DIO2: variants seen among roughly 807,000 people sequenced by gnomAD.
DIO2 encodes the protein iodothyronine deiodinase 2.
A neutral mutation model predicts 21.4 loss-of-function variants in DIO2; 19 were observed. That is an observed-to-expected ratio of 0.89 (90% CI 0.62 to 1.30). The LOEUF (loss-of-function observed/expected upper bound fraction) is 1.30, where lower values mean the gene tolerates loss of function less well. Among genes scored for constraint, DIO2 ranks in the 50% most tolerant of loss-of-function variants. The pLI, the probability that DIO2 is intolerant of heterozygous loss-of-function variation, is 0.00. For synonymous variants in DIO2, 122 were observed against 132.9 expected (o/e 0.92, Z 0.57); for missense variants, 302 against 338.1 (o/e 0.89, Z 0.84).
At chr14:80,221,151 A>G (rs774035994) in intron 2 of DIO2, among the ~76,000 whole-genome samples, 22 of 152,236 alleles carry the variant, frequency 1.4e-4, no homozygotes, top group Non-Finnish European at 2.4e-4. Flanking sequence ...CTTGCTTCCT[A>G]TGTAATTTGA....
At chr14:80,203,698 T>G (rs2139997781) in intron 1 of DIO2, among the ~76,000 whole-genome samples, 1 of 152,350 alleles carries the variant, frequency 6.6e-6, no homozygotes, top group African/African-American at 2.4e-5. Context: ...TAAGACAAAT[T>G]ATCAGGGTCT....
chr14:80,205,518 G>T, intron 1 of DIO2: 1 of 1,008,734 alleles, frequency 9.9e-7, no homozygotes, highest in Non-Finnish European at 1.3e-6. Flanking sequence ...CATCCGAGCA[G>T]ACCTGTTGAT....
chr14:80,226,721 T>A (rs1373265768), intron 2 of DIO2, among the ~76,000 whole-genome samples: 2 of 152,190 alleles, frequency 1.3e-5, no homozygotes, highest in African/African-American at 4.8e-5. Context: ...CCATGGCCAC[T>A]TTGTTCATGG....
intron 1 of DIO2, chr14:80,206,415 TACTGTTCA>T: frequency 1.3e-6 from 1 of 765,726 alleles, no homozygotes; most frequent in Non-Finnish European, 2.1e-6. Context: ...AAAAGGATAT[TACTGTTCA>T]TTCTCATCTC....
intron 1 of DIO2, among the ~76,000 whole-genome samples, chr14:80,204,580 C>T (rs983260967): frequency 1.3e-5 from 2 of 152,092 alleles, no homozygotes; most frequent in African/African-American, 4.8e-5. Context: ...TAATCAAAGC[C>T]AATAACATTA....
chr14:80,206,387 C>T, intron 1 of DIO2: 3 of 1,017,290 alleles, frequency 2.9e-6, no homozygotes, highest in Non-Finnish European at 4.3e-6. Context: ...TTTCCTTTAA[C>T]CTAAAAGAAA....
chr14:80,209,933 C>A (rs1888107054), intron 1 of DIO2, among the ~76,000 whole-genome samples: 1 of 152,128 alleles, frequency 6.6e-6, no homozygotes, highest in Non-Finnish European at 1.5e-5. Context: ...TTTCTTGGCG[C>A]ATGGTTTTAG....
intron 2 of DIO2, among the ~76,000 whole-genome samples, chr14:80,227,391 A>G (rs1393269804): frequency 6.6e-6 from 1 of 152,192 alleles, no homozygotes; most frequent in Non-Finnish European, 1.5e-5. Flanking sequence ...CCATTTGATG[A>G]TACAATGCTG....
upstream of DIO2, among the ~76,000 whole-genome samples, chr14:80,213,027 A>G (rs1347507249): frequency 1.3e-5 from 2 of 152,176 alleles, no homozygotes; most frequent in African/African-American, 4.8e-5. Flanking sequence ...TGTTAGCATA[A>G]CCCCTAAGAG....
chr14:80,220,040 TTG>T (rs10553303), intron 2 of DIO2, among the ~76,000 whole-genome samples: 91,328 of 149,876 alleles, frequency 0.61, 28,003 homozygotes, highest in African/African-American at 0.69. Context: ...CAATCTTGTT[TTG>T]TGTGTGTGTG....
At chr14:80,206,555 T>C (rs1049775695) in intron 1 of DIO2, among the ~76,000 whole-genome samples, 3 of 152,154 alleles carry the variant, frequency 2.0e-5, no homozygotes, top group African/African-American at 7.2e-5. Context: ...TTGTCTTCGA[T>C]GATGGAAGAT....
chr14:80,203,774 C>T (rs1404772443), intron 1 of DIO2, among the ~76,000 whole-genome samples: 3 of 152,210 alleles, frequency 2.0e-5, no homozygotes, highest in Non-Finnish European at 4.4e-5. Flanking sequence ...TTGCATGATA[C>T]TAAGTCATTT....
At position 80,206,324 on chromosome 14, in the gene DIO2, T is replaced by G. The variant is rs1204761427; in HGVS notation, c.223-3036A>C. On this transcript the variant is annotated intron_variant, in intron 1 of 1. Coordinates refer to ENST00000438257, the MANE Select transcript of DIO2 (RefSeq NM_013989.5). ...TGTGTCCATCTTTGCTAAAACCTGATGGAGGACAATTTAGCTAAAATAAAG... is the reference window on the plus strand; with the variant it reads ...TGTGTCCATCTTTGCTAAAACCTGAGGGAGGACAATTTAGCTAAAATAAAG... 5 of 1,548,868 alleles carry G rather than the reference T, an allele frequency of 3.2e-6. No individual in the cohort carries two copies. The South Asian group carries it at 3.8e-5, about 12-fold the overall frequency.
At position 80,198,621 on chromosome 14, in the gene DIO2, T is replaced by C. The variant is rs1368116081; in HGVS notation, c.*4068A>G. 1 of 152,090 alleles carries C rather than the reference T, an allele frequency of 6.6e-6. No individual in the cohort carries two copies. Among genetic ancestry groups the C allele is most frequent in the African/African-American group, 2.4e-5 (1 of 41,424 alleles). The allele number at this position is 152,090 out of a possible 1,614,324, so 9.4% of individuals were successfully genotyped here. On this transcript the variant is annotated 3_prime_UTR_variant, in exon 2 of 2. Coordinates refer to ENST00000438257, the MANE Select transcript of DIO2 (RefSeq NM_013989.5). ...GAGAGCCTCAGGACATGACCAAGAT[T>C]GTGCCCATTGCAAAGCAGAGATTGG...
chr14:80,226,048 C>A (rs1477740267), intron 2 of DIO2, among the ~76,000 whole-genome samples: 10 of 152,132 alleles, frequency 6.6e-5, no homozygotes, highest in Non-Finnish European at 1.2e-4. Context: ...GCTAGTGGAT[C>A]ACTAGGGGTG....
rs374883683 is a variant in DIO2 at position 80,202,387 on chromosome 14, G to C, written c.*302C>G. The C allele has an allele frequency of 1.6e-6, 1 of 619,936 alleles. No homozygotes were observed. The allele number at this position is 619,936 out of a possible 1,614,324, so 38.4% of individuals were successfully genotyped here. ...TCTGGTCTCAAAGCATGCATCAGATGTATCAGTTCCTTCTCAATGCAGAAT... is the reference window on the plus strand; with the variant it reads ...TCTGGTCTCAAAGCATGCATCAGATCTATCAGTTCCTTCTCAATGCAGAAT... On this transcript the variant is annotated 3_prime_UTR_variant, in exon 2 of 2. Coordinates refer to ENST00000438257, the MANE Select transcript of DIO2 (RefSeq NM_013989.5).
At chr14:80,221,438 C>T (rs1020268513) in intron 2 of DIO2, among the ~76,000 whole-genome samples, 1 of 152,068 alleles carries the variant, frequency 6.6e-6, no homozygotes, top group Non-Finnish European at 1.5e-5. Flanking sequence ...ATAAAAACAC[C>T]ATAACATTTT....
chr14:80,211,077 C>T (rs553771001), intron 1 of DIO2, among the ~76,000 whole-genome samples, 174 bp downstream of exon 1: 16 of 152,280 alleles, frequency 1.1e-4, no homozygotes, highest in African/African-American at 3.9e-4. Context: ...AGCTGTCACC[C>T]TCCCAAGCTA....
rs1489560714 is a variant in DIO2 at position 80,201,991 on chromosome 14, T to G, written c.*698A>C. Reference sequence around the variant, plus strand: ...TCTTTCTGCCTCCTCTTTCCTAGCTTGTCAATTTCATTTCTTTTTTACCAC... The same window carrying G: ...TCTTTCTGCCTCCTCTTTCCTAGCTGGTCAATTTCATTTCTTTTTTACCAC... On this transcript the variant is annotated 3_prime_UTR_variant, in exon 2 of 2. Coordinates refer to ENST00000438257, the MANE Select transcript of DIO2 (RefSeq NM_013989.5). 1 of 173,660 alleles carries G rather than the reference T, an allele frequency of 5.8e-6. No homozygotes were observed. Among genetic ancestry groups the G allele is most frequent in the Non-Finnish European group, 1.2e-5 (1 of 82,048 alleles). The allele number at this position is 173,660 out of a possible 1,614,324, so 10.8% of individuals were successfully genotyped here. A position where few individuals can be genotyped will look rare whatever the true frequency, so the allele number is the denominator to read the frequency against.
Sources: allele counts gnomAD v4.1 joint callset (sites outside exome capture counted in the v4.1 genomes callset), GRCh38; gene constraint gnomAD v4.1.1; transcripts MANE v1.5; gene names NCBI Gene and HGNC (gene_info 2026-07-23, HGNC 2026-07-21).